The following PALD1 variants were observed in gnomAD, a reference collection of about 807,000 sequenced individuals.
PALD1 encodes phosphatase domain containing paladin 1, also known as paladin.
Under a neutral mutation model 96.0 loss-of-function variants are expected in PALD1, and 57 were observed. The observed-to-expected ratio is 0.59, with a 90% CI of 0.48 to 0.74. PALD1 has a LOEUF of 0.74. PALD1 is among the 30% of genes least tolerant of loss of function. The pLI, the probability that PALD1 is intolerant of heterozygous loss-of-function variation, is 0.00. For missense variants in PALD1, 1,063 were observed against 1,143.7 expected, an observed-to-expected ratio of 0.93 and a Z score of 1.02; for synonymous variants, 464 against 473.6, an observed-to-expected ratio of 0.98 and a Z score of 0.26.
At chr10:70,532,081 C>T (rs1250811696) in intron 5 of PALD1, among the ~76,000 whole-genome samples, 12 of 152,118 alleles carry the variant, frequency 7.9e-5, no homozygotes, top group African/African-American at 1.9e-4. Context: ...TTGAGAGCCA[C>T]GAGCCTCTGA....
At position 70,540,122 on chromosome 10, in the gene PALD1, GGT is replaced by G. The variant is rs560335690; in HGVS notation, c.1908+371_1908+372del. Among the ~76,000 whole-genome samples the G allele has an allele frequency of 1.3e-5, 2 of 151,472 alleles. No individual in the cohort carries two copies. Among genetic ancestry groups the G allele is most frequent in the African/African-American group, 4.9e-5 (2 of 41,178 alleles). On this transcript the variant is annotated intron_variant, in intron 15 of 19. Coordinates refer to ENST00000263563, the MANE Select transcript of PALD1 (RefSeq NM_014431.3). This position sits in a 1 kb window ranked among gnomAD's most constrained non-coding sequence, Gnocchi z 4.2. ...TATTGTGTTATGGGTGTGTGTTATAGGTGTGTGTGTGTTATCGGGGTGTGTGT... is the reference window on the plus strand; with the variant it reads ...TATTGTGTTATGGGTGTGTGTTATAGGTGTGTGTGTTATCGGGGTGTGTGT...
chr10:70,564,564 G>A, intron 19 of PALD1, 45 bp downstream of exon 19: 1 of 1,582,716 alleles, frequency 6.3e-7, no homozygotes, highest in Middle Eastern at 1.8e-4. Context: ...GATGGCTCCT[G>A]CAGATGGAGC....
At chr10:70,498,796 C>T (rs531971584) in intron 1 of PALD1, among the ~76,000 whole-genome samples, 78 of 152,074 alleles carry the variant, frequency 5.1e-4, no homozygotes, top group African/African-American at 1.7e-3. Context: ...GACGTGGTAG[C>T]GCGTGCCTGT....
At chr10:70,525,091 T>C (rs1351765595) in intron 1 of PALD1, among the ~76,000 whole-genome samples, 1 of 152,126 alleles carries the variant, frequency 6.6e-6, no homozygotes, top group African/African-American at 2.4e-5. Flanking sequence ...AACCTTTACT[T>C]CCCGGGTTCA....
At chr10:70,481,714 C>T (rs1436928338) in intron 1 of PALD1, among the ~76,000 whole-genome samples, 1 of 152,182 alleles carries the variant, frequency 6.6e-6, no homozygotes, top group African/African-American at 2.4e-5. Flanking sequence ...AGAGAGAGCA[C>T]ACATGTAGCT....
intron 18 of PALD1, among the ~76,000 whole-genome samples, chr10:70,559,908 A>T (rs1227922669): frequency 1.3e-5 from 2 of 152,130 alleles, no homozygotes; most frequent in African/African-American, 4.8e-5. Flanking sequence ...AGAAGCTGTG[A>T]GCCAGGACAA....
chr10:70,487,613 AAC>A (rs1051324776), intron 1 of PALD1, among the ~76,000 whole-genome samples: 3 of 151,970 alleles, frequency 2.0e-5, no homozygotes, highest in Non-Finnish European at 4.4e-5. Flanking sequence ...CACATTCTAA[AAC>A]ATTTTATCAC....
At chr10:70,524,162 A>G (rs4746051) in intron 1 of PALD1, among the ~76,000 whole-genome samples, 36,598 of 152,114 alleles carry the variant, frequency 0.24, 5,815 homozygotes, top group East Asian at 0.52. Context: ...GAAGGTTGCC[A>G]TGCTCTAAGG....
At chr10:70,492,448 CTTTTTTTTT>C (rs1157960799) in intron 1 of PALD1, among the ~76,000 whole-genome samples, 30 of 80,158 alleles carry the variant, frequency 3.7e-4, no homozygotes, top group Admixed American at 1.1e-3. Flanking sequence ...GCATTTTTGA[CTTTTTTTTT>C]TTTTTTTTTT....
intron 1 of PALD1, among the ~76,000 whole-genome samples, chr10:70,518,240 G>A (rs1473544623): frequency 2.6e-5 from 4 of 152,132 alleles, no homozygotes; most frequent in African/African-American, 9.7e-5. Flanking sequence ...ATCACATTGC[G>A]TTCATCTGTT....
the PALD1 span, among the ~76,000 whole-genome samples, chr10:70,465,676 C>T: frequency 6.6e-6 from 1 of 152,194 alleles, no homozygotes; most frequent in Non-Finnish European, 1.5e-5. Flanking sequence ...CCCTCCAAGA[C>T]ATCACGCTGC....
chr10:70,516,951 A>C (rs977701022), intron 1 of PALD1, among the ~76,000 whole-genome samples: 1 of 151,832 alleles, frequency 6.6e-6, no homozygotes, highest in Non-Finnish European at 1.5e-5. Context: ...AGCATGTCCT[A>C]GTGTGGACCA....
chr10:70,506,668 G>A (rs750181272), intron 1 of PALD1, among the ~76,000 whole-genome samples: 2 of 152,212 alleles, frequency 1.3e-5, no homozygotes, highest in African/African-American at 4.8e-5. Context: ...GTCCTCAGGA[G>A]TGAGTGAAGG....
intron 1 of PALD1, among the ~76,000 whole-genome samples, chr10:70,480,993 G>T (rs1299558342): frequency 6.6e-6 from 1 of 152,214 alleles, no homozygotes; most frequent in African/African-American, 2.4e-5. Context: ...CATCAGCGTG[G>T]GCCACGTATG....
intron 2 of PALD1, among the ~76,000 whole-genome samples, chr10:70,527,370 T>C (rs1033197308): frequency 6.6e-6 from 1 of 152,176 alleles, no homozygotes; most frequent in African/African-American, 2.4e-5. Flanking sequence ...GGGTGTAGAA[T>C]GTTTGAAGTG....
the PALD1 span, among the ~76,000 whole-genome samples, chr10:70,460,121 A>G: frequency 2.6e-5 from 4 of 152,126 alleles, no homozygotes; most frequent in Non-Finnish European, 5.9e-5. Flanking sequence ...TCGTGCGGCT[A>G]AGCTTCCCTT....
In PALD1 at chr10:70,478,783, G is replaced by A. The variant is rs1845871816; in HGVS notation, c.-306G>A. 6.6e-6 allele frequency: 1 copy of A among 151,668 alleles called. No homozygotes were observed. Among genetic ancestry groups the A allele is most frequent in the East Asian group, 1.9e-4 (1 of 5,156 alleles). 9.4% of individuals were successfully genotyped at this position (151,668 alleles called of 1,614,324 possible). On this transcript the variant is annotated 5_prime_UTR_variant, in exon 1 of 20. Coordinates refer to ENST00000263563, the MANE Select transcript of PALD1 (RefSeq NM_014431.3). ...CCGCCCCTCGGCGTTGGGTAGCGGG[G>A]CGCTGGGGAGCAGCGCGGCGCGCAC... is the stretch of plus-strand genomic sequence containing the variant.
In PALD1 at chr10:70,530,079, C is replaced by T; in HGVS notation, c.468+11C>T. 1 of 1,493,368 alleles carries T rather than the reference C, an allele frequency of 6.7e-7. No individual in the cohort carries two copies. Among genetic ancestry groups the T allele is most frequent in the South Asian group, 1.4e-5 (1 of 73,474 alleles). 92.5% of individuals were successfully genotyped at this position (1,493,368 alleles called of 1,614,324 possible). ...AAGGACGGACATAGGGTAAGTATGC[C>T]ACTTCCCAGGCAGAAGCCAGGTCCC... is the stretch of plus-strand genomic sequence containing the variant. On this transcript the variant is annotated intron_variant, in intron 4 of 19. Coordinates refer to ENST00000263563, the MANE Select transcript of PALD1 (RefSeq NM_014431.3).
chr10:70,539,314 T>C lies in PALD1; in HGVS notation c.1725+67T>C. Reference sequence around the variant, plus strand: ...TCTGGGGAGTGGCCTGGGAGGGTCTTCAGAAGGCCTCACACTCCCGCAGAC... The same window carrying C: ...TCTGGGGAGTGGCCTGGGAGGGTCTCCAGAAGGCCTCACACTCCCGCAGAC... On this transcript the variant is annotated intron_variant, in intron 14 of 19. Coordinates refer to ENST00000263563, the MANE Select transcript of PALD1 (RefSeq NM_014431.3). The surrounding 1 kb of genome is among the most constrained non-coding windows in gnomAD (Gnocchi z 4.5). 1 of 1,454,338 alleles carries C rather than the reference T, an allele frequency of 6.9e-7. No homozygotes were observed. 90.1% of individuals were successfully genotyped at this position (1,454,338 alleles called of 1,614,324 possible).
Sources: allele counts gnomAD v4.1 joint callset (sites outside exome capture counted in the v4.1 genomes callset), GRCh38; gene constraint gnomAD v4.1.1; non-coding constraint Gnocchi (gnomAD v3.1); transcripts MANE v1.5; gene names NCBI Gene and HGNC (gene_info 2026-07-23, HGNC 2026-07-21).